LGMN: variants seen among roughly 807,000 people sequenced by gnomAD.
The protein encoded by LGMN is asparaginyl endopeptidase.
LGMN carries 36 observed loss-of-function variants against 56.8 expected under a neutral mutation model. The ratio of observed to expected loss-of-function variants is 0.63; its 90% CI spans 0.49 to 0.84. The LOEUF (loss-of-function observed/expected upper bound fraction) is 0.84. Ranked by LOEUF, LGMN falls within the 40% of genes least tolerant of loss-of-function variation. LGMN has a pLI of 0.00. For missense variants in LGMN, 446 were observed against 556.1 expected (o/e 0.80, Z 1.99); for synonymous variants, 199 against 210.1 (o/e 0.95, Z 0.46).
intron 8 of LGMN, 145 bp downstream of exon 8, chr14:92,712,658 CAG>C (rs769549040): frequency 5.3e-5 from 36 of 684,606 alleles, no homozygotes; most frequent in Non-Finnish European, 9.0e-5. Flanking sequence ...AGAGGAAGCC[CAG>C]AGCTACCTGC....
rs548551912 is a variant in LGMN, at chr14:92,704,915, T to G, written c.1192-208A>C. On this transcript the variant is annotated intron_variant, in intron 12 of 13. Coordinates refer to ENST00000334869, the MANE Select transcript of LGMN (RefSeq NM_005606.7). Reference sequence around the variant, plus strand: ...ACACATGCCAGGGTTTGCATGCAAGTTGGGGGGCTGGCGGGGTTCTGCACT... The same window carrying G: ...ACACATGCCAGGGTTTGCATGCAAGGTGGGGGGCTGGCGGGGTTCTGCACT... 9.0e-5 allele frequency: 47 copies of G among 524,990 alleles called. No individual in the cohort carries two copies. In the Admixed American group the frequency reaches 1.2e-3, roughly 14 times the overall value. The allele number at this position is 524,990 out of a possible 1,614,324, so 32.5% of individuals were successfully genotyped here.
At chr14:92,722,252 A>T (rs1890513047) in intron 2 of LGMN, among the ~76,000 whole-genome samples, 1 of 152,076 alleles carries the variant, frequency 6.6e-6, no homozygotes. Flanking sequence ...TGTTATACAG[A>T]CATTATTTGT....
At chr14:92,730,950 G>A (rs3034619) in intron 2 of LGMN, among the ~76,000 whole-genome samples, 46 of 108,638 alleles carry the variant, frequency 4.2e-4, no homozygotes, top group East Asian at 8.7e-4. Flanking sequence ...AAAAAAAAAA[G>A]AAGTTATTAA....
chr14:92,732,924 G>T, intron 1 of LGMN, 109 bp from the exon 2 acceptor site: 1 of 790,034 alleles, frequency 1.3e-6, no homozygotes, highest in Non-Finnish European at 1.9e-6. Context: ...GCCGAGGAGG[G>T]TGGATCAAGA....
intron 2 of LGMN, among the ~76,000 whole-genome samples, chr14:92,729,293 T>G (rs1890909563): frequency 6.6e-6 from 1 of 151,646 alleles, no homozygotes; most frequent in Non-Finnish European, 1.5e-5. Context: ...CTGGCACTCA[T>G]GCTTGGCTGC....
chr14:92,741,192 G>GAAAA (rs796646065), intron 1 of LGMN: 1 of 107,748 alleles, frequency 9.3e-6, no homozygotes. Context: ...GTCAAGAAAA[G>GAAAA]AAAAAAAAAA....
intron 1 of LGMN, among the ~76,000 whole-genome samples, chr14:92,745,232 T>C (rs1891766621): frequency 6.6e-6 from 1 of 152,238 alleles, no homozygotes; most frequent in Non-Finnish European, 1.5e-5. Context: ...TTGAGTTTTC[T>C]TTCACCCAAC....
intron 1 of LGMN, among the ~76,000 whole-genome samples, chr14:92,736,005 C>A (rs1891288684): frequency 6.6e-6 from 1 of 152,114 alleles, no homozygotes; most frequent in Non-Finnish European, 1.5e-5. Flanking sequence ...ACAGAGGGTT[C>A]TTGGACCTCA....
chr14:92,719,223 C>A (rs1890263577), intron 2 of LGMN, among the ~76,000 whole-genome samples: 1 of 96,010 alleles, frequency 1.0e-5, no homozygotes, highest in African/African-American at 5.4e-5. Context: ...CCACCAACAC[C>A]ACCACCGCCA....
intron 1 of LGMN, chr14:92,733,941 C>A (rs1012117075): frequency 2.0e-5 from 3 of 152,152 alleles, no homozygotes; most frequent in Admixed American, 2.0e-4. Context: ...TTGGCAGGAT[C>A]AAGGGTGATT....
At chr14:92,709,966 G>A in intron 10 of LGMN, 94 bp from the exon 11 acceptor site, 6 of 1,038,806 alleles carry the variant, frequency 5.8e-6, no homozygotes, top group Non-Finnish European at 7.0e-6. Context: ...TGGTTTGAGT[G>A]GGAGGAGCAG....
chr14:92,712,027 C>G, intron 8 of LGMN, 72 bp from the exon 9 acceptor site: 1 of 1,162,254 alleles, frequency 8.6e-7, no homozygotes, highest in Non-Finnish European at 1.3e-6. Flanking sequence ...AGCTTGAGTC[C>G]TTCTTTCTCC....
At chr14:92,738,347 C>T (rs1398260527) in intron 1 of LGMN, among the ~76,000 whole-genome samples, 1 of 150,906 alleles carries the variant, frequency 6.6e-6, no homozygotes, top group Non-Finnish European at 1.5e-5. Context: ...GGCGCTATCT[C>T]GGCTCACTGC....
At chr14:92,709,082 A>T (rs1685967421) in intron 11 of LGMN, among the ~76,000 whole-genome samples, 1 of 152,092 alleles carries the variant, frequency 6.6e-6, no homozygotes, top group Admixed American at 6.6e-5. Flanking sequence ...AAACAGACTC[A>T]CTGATTGGAA....
At chr14:92,728,082 G>A (rs111850040) in intron 2 of LGMN, among the ~76,000 whole-genome samples, 30 of 152,316 alleles carry the variant, frequency 2.0e-4, no homozygotes, top group Non-Finnish European at 2.8e-4. Flanking sequence ...TGATTTTGTC[G>A]TTTTGTGAGT....
intron 1 of LGMN, among the ~76,000 whole-genome samples, chr14:92,737,814 TTATC>T (rs1189501384): frequency 1.3e-5 from 2 of 152,208 alleles, no homozygotes; most frequent in South Asian, 2.1e-4. Flanking sequence ...CAATAAAACT[TTATC>T]TATAAAATAG....
chr14:92,721,753 G>A (rs1040750426), intron 2 of LGMN, among the ~76,000 whole-genome samples: 1 of 151,998 alleles, frequency 6.6e-6, no homozygotes, highest in South Asian at 2.1e-4. Context: ...GTCAACAGCT[G>A]GAAAAATAAA....
At chr14:92,719,341 A>ACCGCCG (rs1890329361) in intron 2 of LGMN, among the ~76,000 whole-genome samples, 1 of 115,422 alleles carries the variant, frequency 8.7e-6, no homozygotes, top group African/African-American at 3.5e-5. Context: ...CACCGCCATC[A>ACCGCCG]CCGCCACCAC....
At chr14:92,728,216 C>T (rs1040623774) in intron 2 of LGMN, among the ~76,000 whole-genome samples, 4 of 152,160 alleles carry the variant, frequency 2.6e-5, no homozygotes, top group African/African-American at 9.7e-5. Flanking sequence ...GCAATGGTTT[C>T]GGGATGAAAC....
Sources: gnomAD v4.1 joint callset for allele counts (sites outside exome capture counted in the v4.1 genomes callset) on GRCh38, gnomAD v4.1.1 for gene constraint, MANE v1.5 for transcripts, NCBI Gene and HGNC (gene_info 2026-07-23, HGNC 2026-07-21) for gene names.